PCDHA8: variants seen among roughly 807,000 people sequenced by gnomAD.
The protein encoded by PCDHA8 is protocadherin alpha 8.
PCDHA8 carries 53 observed loss-of-function variants against 61.8 expected under a neutral mutation model. The ratio of observed to expected loss-of-function variants is 0.86; its 90% CI spans 0.69 to 1.08. PCDHA8 has a LOEUF of 1.08. PCDHA8 is among the 50% of genes least tolerant of loss of function. PCDHA8 has a pLI of 0.00. For synonymous variants in PCDHA8, 618 were observed against 556.6 expected (o/e 1.11, Z -1.55); for missense variants, 1,293 against 1,245.0 (o/e 1.04, Z -0.58).
chr5:140,857,483 T>G, intron 1 of PCDHA8: 1 of 1,598,450 alleles, frequency 6.3e-7, no homozygotes. Context: ...GGTGTCTGCG[T>G]GGGACGCGGA....
In PCDHA8 at chr5:140,870,728, C is replaced by A. The variant is rs531202250; in HGVS notation, c.2394+27013C>A. On this transcript the variant is annotated intron_variant, in intron 1 of 3. Coordinates refer to ENST00000531613, the MANE Select transcript of PCDHA8 (RefSeq NM_018911.3). ...GTGAGCGCGCGCGATGCGGGCGTGCCGCCTCTGAGCAGCAACGTGACGCTG... is the reference window on the plus strand; with the variant it reads ...GTGAGCGCGCGCGATGCGGGCGTGCAGCCTCTGAGCAGCAACGTGACGCTG... The A allele has an allele frequency of 5.8e-5, 93 of 1,613,338 alleles. No individual in the cohort carries two copies. Among genetic ancestry groups the A allele is most frequent in the East Asian group, 1.1e-4 (5 of 44,876 alleles).
intron 1 of PCDHA8, among the ~76,000 whole-genome samples, chr5:140,845,933 C>T (rs1174545487): frequency 6.7e-6 from 1 of 149,546 alleles, no homozygotes; most frequent in African/African-American, 2.5e-5. Flanking sequence ...GTAAAACTAT[C>T]TTCTGTAAAG....
At chr5:140,868,042 C>G (rs1248168990) in intron 1 of PCDHA8, 1 of 151,924 alleles carries the variant, frequency 6.6e-6, no homozygotes, top group Non-Finnish European at 1.5e-5. Context: ...CTTGGAAATA[C>G]CAATATGGCA....
chr5:140,876,875 A>G, intron 1 of PCDHA8: 1 of 1,613,762 alleles, frequency 6.2e-7, no homozygotes, highest in Admixed American at 1.7e-5. Flanking sequence ...AAGGAGAACA[A>G]CCCGCCGGGC....
At chr5:140,978,887 A>C (rs1367734690) in intron 1 of PCDHA8, 62 bp from the exon 2 acceptor site, 14 of 1,611,648 alleles carry the variant, frequency 8.7e-6, no homozygotes, top group Admixed American at 1.7e-5. Flanking sequence ...ATCAATTAGC[A>C]GCATTCCTGG....
At chr5:140,947,998 T>C (rs2094201986) in intron 1 of PCDHA8, among the ~76,000 whole-genome samples, 1 of 122,112 alleles carries the variant, frequency 8.2e-6, no homozygotes, top group Admixed American at 8.2e-5. Flanking sequence ...AAATACTTTA[T>C]TAAATTTAGG....
At chr5:140,848,492 T>C (rs1781549856) in intron 1 of PCDHA8, 2 of 1,575,612 alleles carry the variant, frequency 1.3e-6, no homozygotes, top group South Asian at 2.3e-5. Flanking sequence ...ACTGAGTATT[T>C]GAAATGTTAT....
intron 3 of PCDHA8, among the ~76,000 whole-genome samples, chr5:141,000,421 ATTTTTTTT>A (rs34755515): frequency 1.4e-4 from 4 of 27,978 alleles, no homozygotes; most frequent in African/African-American, 7.1e-4. Flanking sequence ...ATATATATAT[ATTTTTTTT>A]TTTTTTTTTT....
At chr5:140,955,163 TTTGG>T (rs1445630947) in intron 1 of PCDHA8, among the ~76,000 whole-genome samples, 2 of 152,184 alleles carry the variant, frequency 1.3e-5, no homozygotes, top group Admixed American at 6.5e-5. Flanking sequence ...ACCGTGCTGT[TTTGG>T]TTACTGTAGT....
At chr5:140,862,555 G>A (rs926436647) in intron 1 of PCDHA8, 1 of 467,658 alleles carries the variant, frequency 2.1e-6, no homozygotes, top group South Asian at 1.7e-5. Flanking sequence ...TGGCCGAACA[G>A]TGAACCACAA....
At chr5:140,950,860 G>A (rs529625926) in intron 1 of PCDHA8, among the ~76,000 whole-genome samples, 25 of 151,860 alleles carry the variant, frequency 1.6e-4, no homozygotes, top group African/African-American at 5.8e-4. Context: ...TCATATTCTT[G>A]TATATTCTAT....
rs142866496 is a variant in PCDHA8, at chr5:140,917,224, G to A, written c.2395-61725G>A. Among the ~76,000 whole-genome samples, 29 of 151,040 alleles carry A rather than the reference G, an allele frequency of 1.9e-4. No homozygotes were observed. In the East Asian group the frequency reaches 2.2e-3, roughly 11 times the overall value. ...TCTTCAATGCCTCTTTTAGTGATAC[G>A]TTGTTAAATCTAGGTACTACGATTG... On this transcript the variant is annotated intron_variant, in intron 1 of 3. Transcript: ENST00000531613.
intron 1 of PCDHA8, among the ~76,000 whole-genome samples, chr5:140,970,569 C>T (rs1346474165): frequency 3.9e-5 from 6 of 152,038 alleles, no homozygotes; most frequent in African/African-American, 1.4e-4. Flanking sequence ...CATATGTATG[C>T]TTGAAATAAC....
At chr5:140,954,367 C>T (rs246024) in intron 1 of PCDHA8, among the ~76,000 whole-genome samples, 85,692 of 152,060 alleles carry the variant, frequency 0.56, 24,769 homozygotes, top group African/African-American at 0.69. Context: ...CACACAGTCT[C>T]CCACAATGAG....
intron 1 of PCDHA8, among the ~76,000 whole-genome samples, chr5:140,902,149 G>T (rs1471758440): frequency 6.8e-6 from 1 of 147,458 alleles, no homozygotes; most frequent in African/African-American, 2.5e-5. Flanking sequence ...AGGATAATTT[G>T]ATTTCTTCCT....
chr5:140,863,001 C>A, intron 1 of PCDHA8: 1 of 550,202 alleles, frequency 1.8e-6, no homozygotes, highest in South Asian at 1.4e-5. Context: ...ACGGTGGACT[C>A]CAGCTATGAC....
In PCDHA8 at chr5:140,842,727, C is replaced by T. The variant is rs1554139317; in HGVS notation, c.1406C>T (p.Pro469Leu). ...ACGGTGTTCGTGAAGGAGAACAACC[C>T]GCCGGGCTGCCACATCTTCACGGTG... The part of the protein sequence containing the change: ...EYTVFVKENN[P>L]PGCHIFTVSA... Residue 469 changes from proline (P) to leucine (L), a missense_variant, in exon 1 of 4, where the codon CCG (proline) becomes CTG (leucine). By Grantham distance (98) the Pro-to-Leu change is moderately conservative. Coordinates refer to ENST00000531613, the MANE Select transcript of PCDHA8 (RefSeq NM_018911.3). The T allele has an allele frequency of 1.9e-6, 3 of 1,594,926 alleles. No individual in the cohort carries two copies. Among genetic ancestry groups the T allele is most frequent in the Non-Finnish European group, 1.7e-6 (2 of 1,165,462 alleles).
intron 1 of PCDHA8, among the ~76,000 whole-genome samples, chr5:140,972,314 GTGT>G (rs1387433472): frequency 1.3e-5 from 2 of 150,490 alleles, no homozygotes; most frequent in Non-Finnish European, 3.0e-5. Context: ...TAGTTTTTAG[GTGT>G]TTTTTTTTTT....
In PCDHA8 at chr5:140,904,302, A is replaced by C. The variant is rs553969479; in HGVS notation, c.2394+60587A>C. Among the ~76,000 whole-genome samples, 22 of 151,950 alleles carry C rather than the reference A, an allele frequency of 1.4e-4. No individual in the cohort carries two copies. In the East Asian group the frequency reaches 3.9e-3, roughly 27 times the overall value. On this transcript the variant is annotated intron_variant, in intron 1 of 3. Transcript: ENST00000531613. ...TGTGGTGTTTGGTTTTCCATTCCTG[A>C]GTTTCTTCACTTAGAATAATGGTCT...
Sources: allele counts gnomAD v4.1 joint callset (sites outside exome capture counted in the v4.1 genomes callset), GRCh38; gene constraint gnomAD v4.1.1; transcripts MANE v1.5; gene names NCBI Gene and HGNC (gene_info 2026-07-23, HGNC 2026-07-21).